Variants in MEGF10 observed in about 807,000 individuals in gnomAD.
MEGF10 encodes multiple EGF like domains 10.
Under a neutral mutation model 147.5 loss-of-function variants are expected in MEGF10, and 86 were observed. The ratio of observed to expected loss-of-function variants is 0.58; its 90% CI spans 0.49 to 0.70. The LOEUF (loss-of-function observed/expected upper bound fraction) is 0.70, where lower values mean the gene tolerates loss of function less well. Among genes scored for constraint, MEGF10 ranks in the 30% least tolerant of loss-of-function variants. The probability of loss-of-function intolerance (pLI) is 0.00; values close to 1 mark genes in which losing one functional copy is unlikely to be tolerated. For missense variants in MEGF10, 1,329 were observed against 1,487.3 expected (o/e 0.89, Z 1.75); for synonymous variants, 478 against 525.5 (o/e 0.91, Z 1.24).
intron 4 of MEGF10, among the ~76,000 whole-genome samples, chr5:127,340,974 C>T (rs1406251338): frequency 6.6e-6 from 1 of 152,098 alleles, no homozygotes; most frequent in Non-Finnish European, 1.5e-5. Flanking sequence ...AGAACAGAGA[C>T]CTAACTTTCC....
At chr5:127,310,018 T>TCC (rs58548600) in intron 1 of MEGF10, among the ~76,000 whole-genome samples, 1,229 of 27,204 alleles carry the variant, frequency 0.045, 256 homozygotes, top group Middle Eastern at 0.13. Flanking sequence ...TCCTTTCTTT[T>TCC]TTTCTTTCTT....
the MEGF10 span, among the ~76,000 whole-genome samples, chr5:127,251,628 T>C: frequency 6.6e-6 from 1 of 152,044 alleles, no homozygotes. Context: ...TGATTGGTTA[T>C]CCATTTTGAA....
At chr5:127,360,862 G>GTATATATA (rs201793273) in intron 4 of MEGF10, among the ~76,000 whole-genome samples, 78 of 151,592 alleles carry the variant, frequency 5.1e-4, no homozygotes, top group African/African-American at 1.7e-3. Flanking sequence ...ATATATGTGT[G>GTATATATA]TGTATATATA....
At chr5:127,414,690 G>A (rs1045174496) in intron 9 of MEGF10, among the ~76,000 whole-genome samples, 1 of 152,160 alleles carries the variant, frequency 6.6e-6, no homozygotes, top group African/African-American at 2.4e-5. Context: ...AGTCACATCC[G>A]CTGTGTATCA....
the MEGF10 span, among the ~76,000 whole-genome samples, chr5:127,271,896 G>C: frequency 2.0e-5 from 3 of 151,918 alleles, no homozygotes; most frequent in East Asian, 5.8e-4. Context: ...ACACTATTTC[G>C]AGTTTCTTTT....
chr5:127,256,240 A>G, the MEGF10 span, among the ~76,000 whole-genome samples: 1 of 152,220 alleles, frequency 6.6e-6, no homozygotes, highest in Non-Finnish European at 1.5e-5. Context: ...AATTTCCTCC[A>G]ATCTATTTAC....
chr5:127,398,619 C>A, intron 6 of MEGF10, 57 bp from the exon 7 acceptor site: 1 of 1,608,290 alleles, frequency 6.2e-7, no homozygotes, highest in Non-Finnish European at 8.5e-7. Context: ...TACAGTGAAC[C>A]CGAGGGTCAT....
the MEGF10 span, among the ~76,000 whole-genome samples, chr5:127,239,102 A>G: frequency 1.3e-5 from 2 of 152,132 alleles, no homozygotes; most frequent in African/African-American, 4.8e-5. Context: ...GCCGCTGGCC[A>G]GGACCCTTCA....
At chr5:127,241,794 G>A in the MEGF10 span, among the ~76,000 whole-genome samples, 1 of 152,008 alleles carries the variant, frequency 6.6e-6, no homozygotes, top group Non-Finnish European at 1.5e-5. Flanking sequence ...GTACATTAGG[G>A]TGTGATAGCT....
At chr5:127,244,142 G>T in the MEGF10 span, among the ~76,000 whole-genome samples, 1 of 136,832 alleles carries the variant, frequency 7.3e-6, no homozygotes, top group Non-Finnish European at 1.5e-5. Context: ...GTTGCAGTGA[G>T]CCAAGACTGC....
At chr5:127,376,626 G>A (rs1483382484) in intron 5 of MEGF10, among the ~76,000 whole-genome samples, 1 of 152,046 alleles carries the variant, frequency 6.6e-6, no homozygotes, top group Non-Finnish European at 1.5e-5. Flanking sequence ...ATATAAAAGG[G>A]GGCAGAAGGG....
intron 8 of MEGF10, among the ~76,000 whole-genome samples, chr5:127,403,876 C>T (rs1764224577): frequency 1.3e-5 from 2 of 152,190 alleles, no homozygotes; most frequent in African/African-American, 4.8e-5. Context: ...CAAATCTTAG[C>T]TATTGTAAAC....
chr5:127,359,071 T>G (rs1862283), intron 4 of MEGF10, among the ~76,000 whole-genome samples: 1,651 of 152,102 alleles, frequency 0.011, 30 homozygotes, highest in African/African-American at 0.038. Context: ...TTTTTTTTTT[T>G]CTGTATGAGT....
chr5:127,364,731 C>T (rs2126849633), intron 4 of MEGF10, among the ~76,000 whole-genome samples: 1 of 152,298 alleles, frequency 6.6e-6, no homozygotes, highest in Admixed American at 6.5e-5. Context: ...AGTCAACTCT[C>T]TGTTTGCTTC....
chr5:127,301,779 A>G (rs529737503), intron 1 of MEGF10, among the ~76,000 whole-genome samples: 2 of 152,364 alleles, frequency 1.3e-5, no homozygotes, highest in African/African-American at 4.8e-5. Context: ...TAAATGCTCA[A>G]TATATATTAG....
chr5:127,372,690 G>A (rs866998358), intron 5 of MEGF10, among the ~76,000 whole-genome samples: 1 of 152,152 alleles, frequency 6.6e-6, no homozygotes, highest in African/African-American at 2.4e-5. Flanking sequence ...GTGTTTGTCT[G>A]GTGCTTTTCT....
At chr5:127,337,190 A>G (rs1188133596) in intron 2 of MEGF10, among the ~76,000 whole-genome samples, 1 of 152,168 alleles carries the variant, frequency 6.6e-6, no homozygotes, top group Admixed American at 6.6e-5. Context: ...CATTTTCCAT[A>G]GAAAGCCAGT....
At chr5:127,310,013 T>TTCCTTCCTTCCTTC (rs1561562131) in intron 1 of MEGF10, among the ~76,000 whole-genome samples, 4 of 37,158 alleles carry the variant, frequency 1.1e-4, no homozygotes, top group African/African-American at 3.5e-4. Context: ...TTCCTTCCTT[T>TTCCTTCCTTCCTTC]CTTTTTTTCT....
chr5:127,252,774 C>A, the MEGF10 span, among the ~76,000 whole-genome samples: 1 of 151,770 alleles, frequency 6.6e-6, no homozygotes, highest in Non-Finnish European at 1.5e-5. Context: ...TAATAAAGGA[C>A]AATGAAACAT....
Sources: allele counts gnomAD v4.1 joint callset (sites outside exome capture counted in the v4.1 genomes callset), GRCh38; gene constraint gnomAD v4.1.1; transcripts MANE v1.5; gene names NCBI Gene and HGNC (gene_info 2026-07-23, HGNC 2026-07-21).